The following LARGE1 variants were observed in gnomAD, a reference collection of about 807,000 sequenced individuals.
LARGE1 encodes xylosyl- and glucuronyltransferase LARGE1.
LARGE1 carries 43 observed loss-of-function variants against 87.6 expected under a neutral mutation model. The observed-to-expected ratio is 0.49, with a 90% CI of 0.38 to 0.63. The LOEUF (loss-of-function observed/expected upper bound fraction) is 0.63, where lower values mean the gene tolerates loss of function less well. Among genes scored for constraint, LARGE1 ranks in the 30% least tolerant of loss-of-function variants. The pLI is 0.00. For synonymous variants in LARGE1, 434 were observed against 394.6 expected, an observed-to-expected ratio of 1.10 and a Z score of -1.18; for missense variants, 802 against 1,000.2, an observed-to-expected ratio of 0.80 and a Z score of 2.67.
At chr22:33,123,361 T>C in the LARGE1 span, among the ~76,000 whole-genome samples, 1 of 123,656 alleles carries the variant, frequency 8.1e-6, no homozygotes, top group African/African-American at 2.9e-5. Context: ...AGTGTTGCCA[T>C]GGAAAATGAG....
At chr22:33,656,124 T>C (rs1384503735) in intron 2 of LARGE1, among the ~76,000 whole-genome samples, 2 of 151,296 alleles carry the variant, frequency 1.3e-5, no homozygotes. Context: ...TTACACAGAG[T>C]AGATACTTGT....
At chr22:33,859,905 C>A (rs1381266463) in intron 1 of LARGE1, among the ~76,000 whole-genome samples, 1 of 152,136 alleles carries the variant, frequency 6.6e-6, no homozygotes. Flanking sequence ...TCATTCCACT[C>A]ATATAAAGTA....
intron 6 of LARGE1, among the ~76,000 whole-genome samples, chr22:33,483,025 G>A (rs2069400213): frequency 6.6e-6 from 1 of 152,150 alleles, no homozygotes; most frequent in Non-Finnish European, 1.5e-5. Flanking sequence ...ATGTAGCTCC[G>A]GAAACCTCTG....
intron 3 of LARGE1, among the ~76,000 whole-genome samples, chr22:33,637,554 G>T (rs531121726): frequency 6.6e-6 from 1 of 152,112 alleles, no homozygotes; most frequent in Non-Finnish European, 1.5e-5. Context: ...AGAAGTAATG[G>T]TATAAGACAT....
chr22:33,310,984 C>T (rs1184048423), intron 11 of LARGE1, among the ~76,000 whole-genome samples: 3 of 149,964 alleles, frequency 2.0e-5, no homozygotes, highest in Non-Finnish European at 4.4e-5. Flanking sequence ...TTTTTGAGAC[C>T]GAGTCTCGCT....
At chr22:33,762,213 CAAAAAAAAAAAAA>C (rs56832457) in intron 1 of LARGE1, among the ~76,000 whole-genome samples, 36,131 of 86,288 alleles carry the variant, frequency 0.42, 5,569 homozygotes, top group South Asian at 0.56. Context: ...GATTCTATCT[CAAAAAAAAAAAAA>C]AAAAAAAAAA....
At chr22:33,103,565 T>C in the LARGE1 span, among the ~76,000 whole-genome samples, 1 of 151,848 alleles carries the variant, frequency 6.6e-6, no homozygotes, top group Non-Finnish European at 1.5e-5. Flanking sequence ...GTGCTCTTGC[T>C]GGGCTGGAAG....
chr22:33,605,092 C>A (rs2079216785), intron 4 of LARGE1, among the ~76,000 whole-genome samples: 1 of 151,654 alleles, frequency 6.6e-6, no homozygotes. Context: ...AACAGCCTGT[C>A]CTCACTTTTA....
intron 1 of LARGE1, among the ~76,000 whole-genome samples, chr22:33,784,994 T>C (rs2085560948): frequency 6.6e-6 from 1 of 150,552 alleles, no homozygotes; most frequent in South Asian, 2.1e-4. Flanking sequence ...TATGTGTACG[T>C]GTATATACAT....
Position 33,390,018 on chromosome 22 carries a change from T to C in LARGE1, c.893-5714A>G, listed in dbSNP as rs144511741. Among the ~76,000 whole-genome samples the C allele has an allele frequency of 9.2e-5, 14 of 152,354 alleles. 1 individual carries two copies. In the East Asian group the frequency reaches 2.5e-3, roughly 27 times the overall value. ...ACCCCTTGGTTGTGGCCAGACCATC[T>C]GGTTCTCGCCATAATTTAATTTTCT... On this transcript the variant is annotated intron_variant, in intron 7 of 14. Transcript: ENST00000397394.
At chr22:33,782,994 G>T (rs888937177) in intron 1 of LARGE1, among the ~76,000 whole-genome samples, 5 of 151,790 alleles carry the variant, frequency 3.3e-5, no homozygotes, top group Admixed American at 6.6e-5. Context: ...ATACACTACA[G>T]TGCTTCGGCC....
At chr22:33,409,426 C>A (rs1418838406) in intron 7 of LARGE1, among the ~76,000 whole-genome samples, 5 of 152,094 alleles carry the variant, frequency 3.3e-5, no homozygotes, top group Non-Finnish European at 7.4e-5. Context: ...CACTGCCTGT[C>A]CCCTTTTCCC....
At chr22:33,570,984 T>C (rs1236020554) in intron 5 of LARGE1, among the ~76,000 whole-genome samples, 1 of 152,132 alleles carries the variant, frequency 6.6e-6, no homozygotes, top group Non-Finnish European at 1.5e-5. Context: ...AGTCAACACC[T>C]GGCAGAGTAA....
chr22:33,789,178 T>C (rs926108369), intron 1 of LARGE1, among the ~76,000 whole-genome samples: 2 of 152,212 alleles, frequency 1.3e-5, no homozygotes, highest in Non-Finnish European at 2.9e-5. Context: ...CTTGGTGCCC[T>C]GTGTCCCAGC....
chr22:33,526,411 G>A (rs2148539916), intron 6 of LARGE1, among the ~76,000 whole-genome samples: 1 of 152,354 alleles, frequency 6.6e-6, no homozygotes, highest in African/African-American at 2.4e-5. Flanking sequence ...GGGGAGAGAA[G>A]AGGCTTCAGA....
intron 11 of LARGE1, among the ~76,000 whole-genome samples, chr22:33,221,350 G>A (rs1486242391): frequency 6.6e-6 from 1 of 152,080 alleles, no homozygotes; most frequent in Non-Finnish European, 1.5e-5. Context: ...TGCCAATCCT[G>A]ATATTCTTCT....
At chr22:33,392,182 G>A (rs1270314301) in intron 7 of LARGE1, among the ~76,000 whole-genome samples, 1 of 150,688 alleles carries the variant, frequency 6.6e-6, no homozygotes, top group Non-Finnish European at 1.5e-5. Flanking sequence ...TATCCCAGAA[G>A]GGGAAGGAAA....
chr22:33,120,530 A>T, the LARGE1 span, among the ~76,000 whole-genome samples: 1 of 137,972 alleles, frequency 7.2e-6, no homozygotes, highest in Non-Finnish European at 1.5e-5. Flanking sequence ...ATGGAGTCTC[A>T]TTCTGTCACC....
At position 33,704,324 on chromosome 22, in the gene LARGE1, G is replaced by A. The variant is rs535900549; in HGVS notation, c.107-53656C>T. On this transcript the variant is annotated intron_variant, in intron 2 of 14. Transcript: ENST00000397394. ...GGTGTGCAGACAGGGGAACTTACTG[G>A]AAATTGGGGATTTCTCCCCAGAATC... is the stretch of plus-strand genomic sequence containing the variant. Among the ~76,000 whole-genome samples the A allele has an allele frequency of 2.6e-5, 4 of 152,320 alleles. No individual in the cohort carries two copies. The East Asian group carries it at 7.7e-4, about 29-fold the overall frequency.
Sources: gnomAD v4.1 joint callset for allele counts (sites outside exome capture counted in the v4.1 genomes callset) on GRCh38, gnomAD v4.1.1 for gene constraint, MANE v1.5 for transcripts, NCBI Gene and HGNC (gene_info 2026-07-23, HGNC 2026-07-21) for gene names.